KCNJ6: variants seen among roughly 807,000 people sequenced by gnomAD.
KCNJ6 encodes potassium inwardly rectifying channel subfamily J member 6.
A neutral mutation model predicts 34.2 loss-of-function variants in KCNJ6; 9 were observed. The ratio of observed to expected loss-of-function variants is 0.26; its 90% CI spans 0.16 to 0.46. KCNJ6 has a LOEUF of 0.46. KCNJ6 is among the 20% of genes least tolerant of loss of function. The pLI is 1.00. For missense variants in KCNJ6, 236 were observed against 531.3 expected (o/e 0.44, Z 5.46); for synonymous variants, 196 against 207.1 (o/e 0.95, Z 0.46).
At chr21:37,846,378 T>C (rs2055507999) in intron 1 of KCNJ6, among the ~76,000 whole-genome samples, 2 of 150,926 alleles carry the variant, frequency 1.3e-5, no homozygotes. Context: ...TGTGTGTGTG[T>C]GTGTGTGTGT....
intron 2 of KCNJ6, among the ~76,000 whole-genome samples, chr21:37,762,653 G>A (rs1460319021): frequency 6.6e-6 from 1 of 152,188 alleles, no homozygotes; most frequent in Admixed American, 6.5e-5. Context: ...ATTCGAGTGG[G>A]CTCACCACGA....
Position 37,624,699 on chromosome 21 carries a change from C to T in KCNJ6, c.*460G>A. On this transcript the variant is annotated 3_prime_UTR_variant, in exon 4 of 4. Transcript: ENST00000609713. ...TGCCACACCCACATGGGGGCAAGCA[C>T]CTCACCCTGTAGTAGATGAAATGAA... 1 of 165,378 alleles carries T rather than the reference C, an allele frequency of 6.0e-6. No individual in the cohort carries two copies. Among genetic ancestry groups the T allele is most frequent in the Non-Finnish European group, 1.3e-5 (1 of 76,462 alleles). The allele number at this position is 165,378 out of a possible 1,614,324, so 10.2% of individuals were successfully genotyped here. A position where few individuals can be genotyped will look rare whatever the true frequency, so the allele number is the denominator to read the frequency against.
intron 3 of KCNJ6, among the ~76,000 whole-genome samples, chr21:37,685,208 C>T (rs2054607875): frequency 6.6e-6 from 1 of 152,064 alleles, no homozygotes; most frequent in Non-Finnish European, 1.5e-5. Flanking sequence ...TTCACTTATC[C>T]TACTGGCAAA....
At chr21:37,900,802 G>A (rs924694054) in intron 1 of KCNJ6, among the ~76,000 whole-genome samples, 9 of 152,206 alleles carry the variant, frequency 5.9e-5, no homozygotes, top group Admixed American at 1.3e-4. Flanking sequence ...GGTGCGTGAA[G>A]AGCAGGGAGT....
chr21:37,864,648 G>A (rs948691795), intron 1 of KCNJ6, among the ~76,000 whole-genome samples: 1 of 152,174 alleles, frequency 6.6e-6, no homozygotes, highest in African/African-American at 2.4e-5. Flanking sequence ...GGCCCTTCTG[G>A]TAGGGCCACG....
At chr21:37,805,964 T>C (rs2055291652) in intron 2 of KCNJ6, among the ~76,000 whole-genome samples, 1 of 152,208 alleles carries the variant, frequency 6.6e-6, no homozygotes, top group South Asian at 2.1e-4. Flanking sequence ...GACCTGCAAG[T>C]GAATAAATTT....
intron 1 of KCNJ6, among the ~76,000 whole-genome samples, chr21:37,873,826 C>A (rs1257293409): frequency 6.6e-6 from 1 of 152,098 alleles, no homozygotes; most frequent in East Asian, 1.9e-4. Flanking sequence ...CATCTATCCA[C>A]GCTTCCACTT....
intron 2 of KCNJ6, among the ~76,000 whole-genome samples, chr21:37,742,517 G>GA (rs11419404): frequency 0.98 from 148,635 of 152,276 alleles, 72,578 homozygotes; most frequent in East Asian, 1. Flanking sequence ...ATATTAAAAA[G>GA]AAAAACACCT....
intron 2 of KCNJ6, among the ~76,000 whole-genome samples, chr21:37,753,750 T>C (rs897986467): frequency 6.6e-6 from 1 of 152,242 alleles, no homozygotes; most frequent in Non-Finnish European, 1.5e-5. Flanking sequence ...TTATGTTTTA[T>C]AGGCGAGCCT....
intron 2 of KCNJ6, among the ~76,000 whole-genome samples, chr21:37,744,082 T>A (rs910866881): frequency 2.1e-5 from 3 of 145,162 alleles, no homozygotes; most frequent in African/African-American, 7.7e-5. Context: ...AAACACCGCA[T>A]GTTCTCACTC....
chr21:37,776,649 G>A (rs183980026), intron 2 of KCNJ6, among the ~76,000 whole-genome samples: 4 of 152,192 alleles, frequency 2.6e-5, no homozygotes, highest in South Asian at 2.1e-4. Context: ...GCTGGATTAC[G>A]TTCATTGATT....
intron 1 of KCNJ6, among the ~76,000 whole-genome samples, chr21:37,861,743 A>G (rs2055595872): frequency 6.6e-6 from 1 of 152,180 alleles, no homozygotes; most frequent in Non-Finnish European, 1.5e-5. Flanking sequence ...CAAGCTGAGA[A>G]GGTACTTGAG....
intron 1 of KCNJ6, among the ~76,000 whole-genome samples, chr21:37,905,272 C>T (rs1568891503): frequency 6.6e-6 from 1 of 152,190 alleles, no homozygotes; most frequent in Non-Finnish European, 1.5e-5. Context: ...CAGTATTTAA[C>T]TCTGTCTTGC....
chr21:37,876,317 G>A (rs906876445), intron 1 of KCNJ6, among the ~76,000 whole-genome samples: 1 of 152,176 alleles, frequency 6.6e-6, no homozygotes. Context: ...CAGGGGTTAA[G>A]TAACTTGCCA....
At chr21:37,912,423 C>T (rs143409462) in intron 1 of KCNJ6, among the ~76,000 whole-genome samples, 5 of 152,284 alleles carry the variant, frequency 3.3e-5, no homozygotes, top group Admixed American at 3.3e-4. Context: ...ATTATTGACA[C>T]CACCCCCCTT....
At chr21:37,707,863 A>G (rs532463556) in intron 3 of KCNJ6, among the ~76,000 whole-genome samples, 3 of 150,630 alleles carry the variant, frequency 2.0e-5, no homozygotes, top group Non-Finnish European at 4.4e-5. Flanking sequence ...ATAAAACTCT[A>G]TTTGTTTAAG....
At chr21:37,671,175 G>A (rs1326986332) in intron 3 of KCNJ6, among the ~76,000 whole-genome samples, 2 of 152,142 alleles carry the variant, frequency 1.3e-5, no homozygotes, top group African/African-American at 4.8e-5. Flanking sequence ...GAAAGACCAT[G>A]GCATGATTAG....
At chr21:37,635,041 C>G (rs1328960724) in intron 3 of KCNJ6, among the ~76,000 whole-genome samples, 1 of 151,858 alleles carries the variant, frequency 6.6e-6, no homozygotes, top group African/African-American at 2.4e-5. Context: ...CAGGCATGAG[C>G]CACCATGCAC....
Position 37,639,049 on chromosome 21 carries a change from C to T in KCNJ6, c.947-13565G>A, listed in dbSNP as rs942753204. 2.0e-5 allele frequency among the ~76,000 whole-genome samples: 3 copies of T among 152,210 alleles called. No individual in the cohort carries two copies. In the East Asian group the frequency reaches 5.8e-4, roughly 29 times the overall value. On this transcript the variant is annotated intron_variant, in intron 3 of 3. Coordinates refer to ENST00000609713, the MANE Select transcript of KCNJ6 (RefSeq NM_002240.5). ...TGTCACCTTATTTAGCCTGAGGGCT[C>T]CCAATAATGTACCAGTAGGTGATGG...
Sources: allele counts gnomAD v4.1 joint callset (sites outside exome capture counted in the v4.1 genomes callset), GRCh38; gene constraint gnomAD v4.1.1; transcripts MANE v1.5; gene names NCBI Gene and HGNC (gene_info 2026-07-23, HGNC 2026-07-21).